PLEKHA7: variants seen among roughly 807,000 people sequenced by gnomAD.
PLEKHA7 encodes the protein pleckstrin homology domain-containing family A member 7.
A neutral mutation model predicts 170.0 loss-of-function variants in PLEKHA7; 104 were observed. The observed-to-expected ratio is 0.61, with a 90% confidence interval of 0.52 to 0.72. PLEKHA7 has a LOEUF of 0.72. Among genes scored for constraint, PLEKHA7 ranks in the 30% least tolerant of loss-of-function variants. The pLI is 0.00. For synonymous variants in PLEKHA7, 648 were observed against 660.8 expected, an observed-to-expected ratio of 0.98 and a Z score of 0.30; for missense variants, 1,615 against 1,671.7, an observed-to-expected ratio of 0.97 and a Z score of 0.59.
chr11:16,863,077 C>A (rs1384026802), intron 4 of PLEKHA7, among the ~76,000 whole-genome samples: 1 of 152,122 alleles, frequency 6.6e-6, no homozygotes, highest in Non-Finnish European at 1.5e-5. Flanking sequence ...GCCAGCTTTA[C>A]CAACTTGTAG....
At chr11:16,870,250 C>T (rs1854720353) in intron 4 of PLEKHA7, among the ~76,000 whole-genome samples, 1 of 152,062 alleles carries the variant, frequency 6.6e-6, no homozygotes, top group Admixed American at 6.6e-5. Flanking sequence ...TTGAGGCTTC[C>T]CTGGGAGGCT....
At chr11:16,786,449 T>C in intron 23 of PLEKHA7, 62 bp from the exon 24 acceptor site, 1 of 1,530,092 alleles carries the variant, frequency 6.5e-7, no homozygotes, top group Non-Finnish European at 8.8e-7. Context: ...GCCCGGCTGG[T>C]CACCTTTTTC....
rs755389664 is a variant in PLEKHA7 at position 17,014,194 on chromosome 11, G to A, written c.94C>T (p.Leu32Phe). ...DGRVFFINDQLRCTTWLHPRT... is the reference protein window; with the variant it reads ...DGRVFFINDQFRCTTWLHPRT... ...GGATGCAGCCAGGTCGTGCAGCGGA[G>A]CTGGTCACTGCGGGCAGAGAGGTGC... The change falls in exon 2 of 27, where the codon CTC becomes TTC. Residue 32 changes from leucine to phenylalanine, a missense_variant. Coordinates refer to ENST00000531066, the MANE Select transcript of PLEKHA7 (RefSeq NM_001329630.2). The A allele has an allele frequency of 1.3e-6, 2 of 1,589,412 alleles. No homozygotes were observed. Among genetic ancestry groups the A allele is most frequent in the African/African-American group, 2.8e-5 (2 of 72,352 alleles).
intron 13 of PLEKHA7, among the ~76,000 whole-genome samples, chr11:16,808,223 A>C (rs1449303768): frequency 6.6e-6 from 1 of 152,258 alleles, no homozygotes; most frequent in Non-Finnish European, 1.5e-5. Context: ...TAATACCTGA[A>C]TATTACCAAT....
intron 3 of PLEKHA7, among the ~76,000 whole-genome samples, chr11:16,882,057 G>A (rs535890842): frequency 8.5e-5 from 13 of 152,356 alleles, no homozygotes; most frequent in Admixed American, 3.3e-4. Flanking sequence ...ACAAGTCACA[G>A]TGCAGGTGAC....
At chr11:16,829,215 A>G (rs1850908900) in intron 9 of PLEKHA7, among the ~76,000 whole-genome samples, 1 of 150,920 alleles carries the variant, frequency 6.6e-6, no homozygotes, top group Non-Finnish European at 1.5e-5. Flanking sequence ...GGGTCTTGCT[A>G]TGTTGCCCAG....
At chr11:16,977,858 T>C (rs533981018) in intron 3 of PLEKHA7, among the ~76,000 whole-genome samples, 3 of 152,302 alleles carry the variant, frequency 2.0e-5, no homozygotes, top group Admixed American at 1.3e-4. Flanking sequence ...CTTGGTATCC[T>C]TGTCTGTAAG....
chr11:16,930,209 C>A (rs555774447), intron 3 of PLEKHA7, among the ~76,000 whole-genome samples: 1 of 152,134 alleles, frequency 6.6e-6, no homozygotes, highest in Non-Finnish European at 1.5e-5. Context: ...TCTCTTGTGG[C>A]ATTACCCAGG....
intron 3 of PLEKHA7, among the ~76,000 whole-genome samples, chr11:16,888,863 A>T (rs1856390976): frequency 1.3e-5 from 2 of 149,486 alleles, no homozygotes; most frequent in East Asian, 4.0e-4. Flanking sequence ...AAAAAATAAA[A>T]ATTAAAAAAA....
intron 4 of PLEKHA7, among the ~76,000 whole-genome samples, chr11:16,858,492 ATT>A (rs59399110): frequency 8.9e-4 from 127 of 143,136 alleles, no homozygotes; most frequent in African/African-American, 2.5e-3. Context: ...TCTTTAACAA[ATT>A]TTTTTTTTTT....
intron 13 of PLEKHA7, among the ~76,000 whole-genome samples, chr11:16,804,666 G>A (rs539726414): frequency 6.6e-6 from 1 of 152,316 alleles, no homozygotes; most frequent in South Asian, 2.1e-4. Context: ...CTGAACAGAA[G>A]ACCTGGCACA....
At chr11:16,879,529 A>AT (rs1289921950) in intron 3 of PLEKHA7, among the ~76,000 whole-genome samples, 1 of 152,042 alleles carries the variant, frequency 6.6e-6, no homozygotes, top group Non-Finnish European at 1.5e-5. Context: ...CCCCATTCCC[A>AT]TACCGTCCAC....
chr11:16,781,151 T>G (rs764908595), intron 26 of PLEKHA7: 59 of 346,680 alleles, frequency 1.7e-4, no homozygotes, highest in Non-Finnish European at 2.2e-4. Context: ...GCATGGGCCC[T>G]GCTGCCCACC....
intron 8 of PLEKHA7, among the ~76,000 whole-genome samples, chr11:16,848,800 C>A (rs1852678993): frequency 6.6e-6 from 1 of 152,150 alleles, no homozygotes; most frequent in Admixed American, 6.5e-5. Context: ...GGTGGATACT[C>A]TGAACTGTCT....
At chr11:16,829,268 GC>G (rs926515796) in intron 9 of PLEKHA7, among the ~76,000 whole-genome samples, 26 of 151,994 alleles carry the variant, frequency 1.7e-4, no homozygotes, top group African/African-American at 6.0e-4. Context: ...ACCTGCCTCA[GC>G]CCCCCAAAGT....
intron 3 of PLEKHA7, among the ~76,000 whole-genome samples, chr11:16,973,488 T>C (rs1463635855): frequency 6.6e-6 from 1 of 152,228 alleles, no homozygotes; most frequent in African/African-American, 2.4e-5. Context: ...TTTCTCTTGG[T>C]GCCCCTTTTA....
intron 3 of PLEKHA7, among the ~76,000 whole-genome samples, chr11:16,996,146 T>C (rs1864325708): frequency 6.6e-6 from 1 of 152,206 alleles, no homozygotes; most frequent in African/African-American, 2.4e-5. Context: ...TTTACGTGTA[T>C]TATTCTCATT....
At chr11:16,990,641 G>A (rs772036427) in intron 3 of PLEKHA7, among the ~76,000 whole-genome samples, 3 of 152,216 alleles carry the variant, frequency 2.0e-5, no homozygotes, top group Non-Finnish European at 4.4e-5. Context: ...TCAAAGCAGA[G>A]CTGAGGGGAT....
At chr11:16,947,962 T>C (rs927398028) in intron 3 of PLEKHA7, among the ~76,000 whole-genome samples, 11 of 148,868 alleles carry the variant, frequency 7.4e-5, no homozygotes, top group Non-Finnish European at 1.2e-4. Context: ...AAAGAAAACA[T>C]GCATATATAT....
Sources: gnomAD v4.1 joint callset for allele counts (sites outside exome capture counted in the v4.1 genomes callset) on GRCh38, gnomAD v4.1.1 for gene constraint, MANE v1.5 for transcripts, NCBI Gene and HGNC (gene_info 2026-07-23, HGNC 2026-07-21) for gene names.